The following KIF22 variants were observed in gnomAD, a reference collection of about 807,000 sequenced individuals.
The protein encoded by KIF22 is kinesin family member 22.
In KIF22, 62 loss-of-function variants were observed where a neutral mutation model predicts 73.0. The observed-to-expected ratio is 0.85, with a 90% confidence interval of 0.69 to 1.05. The LOEUF (loss-of-function observed/expected upper bound fraction) is 1.05, where lower values mean the gene tolerates loss of function less well. Ranked by LOEUF, KIF22 falls within the 50% of genes least tolerant of loss-of-function variation. The pLI is 0.00. For missense variants in KIF22, 854 were observed against 870.1 expected, an observed-to-expected ratio of 0.98 and a Z score of 0.23; for synonymous variants, 411 against 340.1, an observed-to-expected ratio of 1.21 and a Z score of -2.29.
In KIF22 at chr16:29,803,150, G is replaced by A. The variant is rs1179336802; in HGVS notation, c.1449+213G>A. On this transcript the variant is annotated intron_variant, in intron 9 of 13. Transcript: ENST00000160827. ...TGAGGGTGAGAAGAAAAAGTTCAAA[G>A]TAAAAGCAACAAATGTTAAACATTA... is the stretch of plus-strand genomic sequence containing the variant. 4.6e-5 allele frequency among the ~76,000 whole-genome samples: 7 copies of A among 152,100 alleles called. 1 individual carries two copies. Among genetic ancestry groups the A allele is most frequent in the Admixed American group, 3.9e-4 (6 of 15,266 alleles).
Position 29,805,280 on chromosome 16 carries a change from C to T in KIF22, c.1968C>T (p.Leu656=). The change falls in exon 14 of 14, where the codon CTC becomes CTT. Residue 656 remains leucine, a synonymous_variant. Coordinates refer to ENST00000160827, the MANE Select transcript of KIF22 (RefSeq NM_007317.3). ...TGTTGCAGGCAAACATCCTGGGTCT[C>T]GCCGCCGGCCAGCGCTGTGGCGCCT... The part of the protein sequence containing the change: ...ESFLKANILG[L]AAGQRCGAS The T allele has an allele frequency of 1.9e-6, 3 of 1,613,978 alleles. No homozygotes were observed. The highest frequency in any genetic ancestry group is 1.1e-5 in the South Asian group (1 of 91,092).
At position 29,798,739 on chromosome 16, in the gene KIF22, C is replaced by T. The variant is rs1567358526; in HGVS notation, c.541C>T (p.Gln181Ter). ...SVTMSYLEIYQEKVLDLLDPA... is the reference protein window; with the variant it reads ...SVTMSYLEIY Reference sequence around the variant, plus strand: ...CACCATGTCTTACCTAGAGATCTACCAGGAGAAGGTGAGGCCCCGTGCTGG... The same window carrying T: ...CACCATGTCTTACCTAGAGATCTACTAGGAGAAGGTGAGGCCCCGTGCTGG... The change falls in exon 4 of 14, where the codon CAG becomes TAG. Residue 181 changes from glutamine to a stop codon, truncating the protein, a stop_gained. Coordinates refer to ENST00000160827, the MANE Select transcript of KIF22 (RefSeq NM_007317.3). LOFTEE classifies it high-confidence loss of function. This position sits in a 1 kb window ranked among gnomAD's most constrained non-coding sequence, Gnocchi z 4.1. The T allele has an allele frequency of 6.2e-7, 1 of 1,613,728 alleles. No individual in the cohort carries two copies. The highest frequency in any genetic ancestry group is 1.3e-5 in the African/African-American group (1 of 75,018).
In KIF22 at chr16:29,804,026, C is replaced by T. The variant is rs778312548; in HGVS notation, c.1638C>T (p.Ala546=). 6.2e-6 allele frequency: 10 copies of T among 1,613,816 alleles called. No individual in the cohort carries two copies. The highest frequency in any genetic ancestry group is 4.0e-5 in the African/African-American group (3 of 74,846). ...AGGAGCAGGCAGCATCCCCAAATGC[C>T]GAGATCCACATCCTGAAGAATAAAG... The part of the protein sequence containing the change: ...LIQEQAASPN[A]EIHILKNKGR... The change falls in exon 11 of 14, where the codon GCC becomes GCT. Residue 546 remains alanine (A), a synonymous_variant. Coordinates refer to ENST00000160827, the MANE Select transcript of KIF22 (RefSeq NM_007317.3).
intron 11 of KIF22, chr16:29,804,402 C>A: frequency 1.7e-6 from 1 of 605,670 alleles, no homozygotes. Flanking sequence ...CAGAATCGAA[C>A]ACCACTAGAA....
chr16:29,801,902 C>A (rs545186229), intron 8 of KIF22, among the ~76,000 whole-genome samples: 164 of 152,244 alleles, frequency 1.1e-3, no homozygotes, highest in Middle Eastern at 3.4e-3. Context: ...TGGCATCAAA[C>A]TGACCTGGAA....
chr16:29,803,956 G>GCACATGC (rs754607039), intron 10 of KIF22, 42 bp from the exon 11 acceptor site: 5 of 1,504,342 alleles, frequency 3.3e-6, no homozygotes, highest in Non-Finnish European at 4.6e-6. Context: ...AGGGTGAAAA[G>GCACATGC]TACCCTTTGC....
Position 29,798,344 on chromosome 16 carries a change from ACAC to A in KIF22, c.267-29_267-27del. 1 of 1,379,242 alleles carries A rather than the reference ACAC, an allele frequency of 7.3e-7. No individual in the cohort carries two copies. The highest frequency in any genetic ancestry group is 1.7e-5 in the African/African-American group (1 of 58,106). 85.4% of individuals were successfully genotyped at this position (1,379,242 alleles called of 1,614,324 possible). On this transcript the variant is annotated intron_variant, in intron 2 of 13. Coordinates refer to ENST00000160827, the MANE Select transcript of KIF22 (RefSeq NM_007317.3). The surrounding 1 kb of genome is among the most constrained non-coding windows in gnomAD (Gnocchi z 4.1). ...CACACACACACACACACACACACAC[ACAC>A]GCTAATTTCTTTCTTTCTTCCTGCA...
chr16:29,791,017 C>A, intron 1 of KIF22, 188 bp downstream of exon 1: 6 of 1,448,824 alleles, frequency 4.1e-6, no homozygotes, highest in Non-Finnish European at 5.5e-6. Flanking sequence ...TGCCTTCTCC[C>A]TGTTTCCTGC....
rs772915372 is a variant in KIF22 at position 29,799,301 on chromosome 16, G to A, written c.797G>A (p.Arg266Gln). 5.0e-5 allele frequency: 81 copies of A among 1,614,040 alleles called. No homozygotes were observed. In the Admixed American group the frequency reaches 8.3e-4, roughly 17 times the overall value. The change falls in exon 6 of 14, where the codon CGA becomes CAA. Residue 266 changes from arginine (R) to glutamine (Q), a missense_variant. Arg to Gln is a conservative substitution (Grantham distance 43). Coordinates refer to ENST00000160827, the MANE Select transcript of KIF22 (RefSeq NM_007317.3). ...GAACGTTTGGCCCCATTTCGCCAGC[G>A]AGAGGGAAAACTCTACCTGATTGAC... ...QRERLAPFRQ[R>Q]EGKLYLIDLA...
At chr16:29,804,299 A>G (rs1899260361) in intron 11 of KIF22, 10 of 608,086 alleles carry the variant, frequency 1.6e-5, no homozygotes, top group South Asian at 1.4e-4. Context: ...TCCACTGTGT[A>G]GCCTGGCTTC....
intron 1 of KIF22, among the ~76,000 whole-genome samples, chr16:29,795,821 G>A (rs1898935447): frequency 6.6e-6 from 1 of 151,960 alleles, no homozygotes; most frequent in Non-Finnish European, 1.5e-5. Flanking sequence ...GCAAATTCAG[G>A]GTTAAGTTTA....
intron 1 of KIF22, among the ~76,000 whole-genome samples, chr16:29,793,308 C>T (rs570423082): frequency 1.3e-3 from 201 of 152,250 alleles, no homozygotes; most frequent in African/African-American, 4.7e-3. Flanking sequence ...GGCGTGGTGG[C>T]GTGCACCTGT....
chr16:29,794,357 A>C (rs544876637), intron 1 of KIF22, among the ~76,000 whole-genome samples: 1 of 152,294 alleles, frequency 6.6e-6, no homozygotes, highest in South Asian at 2.1e-4. Context: ...CTTTTACATG[A>C]ATCACCTTAA....
rs749512225 is a variant in KIF22 at position 29,805,282 on chromosome 16, C to A, written c.1970C>A (p.Ala657Asp). 1 of 1,613,922 alleles carries A rather than the reference C, an allele frequency of 6.2e-7. No homozygotes were observed. The highest frequency in any genetic ancestry group is 8.5e-7 in the Non-Finnish European group (1 of 1,180,036). Residue 657 changes from alanine to aspartate, a missense_variant, in exon 14 of 14, where the codon GCC (alanine) becomes GAC (aspartate). Ala to Asp is a moderately radical substitution (Grantham distance 126). Around this residue, in one of 3 missense-constraint regions of KIF22, gnomAD observed 423 missense variants for 365.4 expected, o/e 1.16. Transcript: ENST00000160827. ...SFLKANILGL[A>D]AGQRCGAS ...TTGCAGGCAAACATCCTGGGTCTCG[C>A]CGCCGGCCAGCGCTGTGGCGCCTCC...
chr16:29,803,862 AGGTCATGT>A (rs1488938251), intron 10 of KIF22, 128 bp from the exon 11 acceptor site: 1 of 726,958 alleles, frequency 1.4e-6, no homozygotes, highest in Non-Finnish European at 2.4e-6. Context: ...GGTATAAAAA[AGGTCATGT>A]GGAAACACAA....
Position 29,794,488 on chromosome 16 carries a change from C to G in KIF22, c.71-2405C>G, listed in dbSNP as rs1596842786. On this transcript the variant is annotated intron_variant, in intron 1 of 13. Transcript: ENST00000160827. ...ACTTAGCTAGCTGTAAATGGCAGAG[C>G]TGGGATTTCAACCCAGGCCATTTTA... Among the ~76,000 whole-genome samples, 4 of 152,276 alleles carry G rather than the reference C, an allele frequency of 2.6e-5. No individual in the cohort carries two copies. The Middle Eastern group carries it at 0.014, about 518-fold the overall frequency.
In KIF22 at chr16:29,799,930, C is replaced by T. The variant is rs773177770; in HGVS notation, c.1162C>T (p.Leu388=). 2 of 1,614,134 alleles carry T rather than the reference C, an allele frequency of 1.2e-6. No homozygotes were observed. The highest frequency in any genetic ancestry group is 1.7e-6 in the Non-Finnish European group (2 of 1,180,014). ...LQPHALGPVK[L]SQKELLGPPE... ...TCATCTAGCCTTGGGACCTGTTAAG[C>T]TGTCTCAGAAAGAATTGCTTGGTCC... The change falls in exon 8 of 14, where the codon CTG becomes TTG. Residue 388 remains leucine, a synonymous_variant. Coordinates refer to ENST00000160827, the MANE Select transcript of KIF22 (RefSeq NM_007317.3).
rs200809627 is a variant in KIF22, at chr16:29,802,891, G to A, written c.1403G>A (p.Arg468Gln). 2.3e-5 allele frequency: 37 copies of A among 1,612,428 alleles called. No homozygotes were observed. Among genetic ancestry groups the A allele is most frequent in the Non-Finnish European group, 2.6e-5 (31 of 1,179,418 alleles). The change falls in exon 9 of 14, where the codon CGG becomes CAG. Residue 468 changes from arginine to glutamine, a missense_variant. By Grantham distance (43) the Arg-to-Gln change is conservative. Coordinates refer to ENST00000160827, the MANE Select transcript of KIF22 (RefSeq NM_007317.3). Reference sequence around the variant, plus strand: ...CTGTTGAGTACCCCAAAGCGAGAGCGGATGGTGCTAATGAAGACAGTGGAA... The same window carrying A: ...CTGTTGAGTACCCCAAAGCGAGAGCAGATGGTGCTAATGAAGACAGTGGAA... Reference protein sequence around the residue: ...APLLSTPKRERMVLMKTVEEK... With the variant: ...APLLSTPKREQMVLMKTVEEK...
chr16:29,795,113 G>C (rs934167115), intron 1 of KIF22, among the ~76,000 whole-genome samples: 1 of 152,176 alleles, frequency 6.6e-6, no homozygotes, highest in Non-Finnish European at 1.5e-5. Flanking sequence ...TGTGAAAGCA[G>C]GCAGAGGAAG....
Sources: gnomAD v4.1 joint callset for allele counts (sites outside exome capture counted in the v4.1 genomes callset) on GRCh38, gnomAD v4.1.1 for gene constraint, gnomAD v4.1.1 regional missense constraint, Gnocchi (gnomAD v3.1) non-coding constraint, MANE v1.5 for transcripts, NCBI Gene and HGNC (gene_info 2026-07-23, HGNC 2026-07-21) for gene names.